SLC16A7: variants seen among roughly 807,000 people sequenced by gnomAD.
The protein encoded by SLC16A7 is solute carrier family 16 member 7, also known as monocarboxylate transporter 2.
Under a neutral mutation model 34.9 loss-of-function variants are expected in SLC16A7, and 33 were observed. The ratio of observed to expected loss-of-function variants is 0.94; its 90% CI spans 0.72 to 1.26. SLC16A7 has a LOEUF of 1.26. SLC16A7 is among the 50% of genes most tolerant of loss of function. The pLI is 0.00. For missense variants in SLC16A7, 573 were observed against 578.1 expected (o/e 0.99, Z 0.09); for synonymous variants, 201 against 206.6 (o/e 0.97, Z 0.23).
intron 3 of SLC16A7, among the ~76,000 whole-genome samples, chr12:59,707,895 T>C (rs914014548): frequency 6.6e-6 from 1 of 152,144 alleles, no homozygotes; most frequent in East Asian, 1.9e-4. Context: ...CCTTTGGTCC[T>C]TCTTTTAAAA....
At chr12:59,663,056 A>G (rs1271211124) in intron 2 of SLC16A7, among the ~76,000 whole-genome samples, 1 of 152,062 alleles carries the variant, frequency 6.6e-6, no homozygotes, top group Non-Finnish European at 1.5e-5. Context: ...AGGATTTTAT[A>G]TGGTAATGAC....
chr12:59,716,231 T>C (rs1285318445), intron 3 of SLC16A7, among the ~76,000 whole-genome samples: 2 of 152,156 alleles, frequency 1.3e-5, no homozygotes, highest in Non-Finnish European at 2.9e-5. Context: ...TCTCATGCAG[T>C]CAATGATTGG....
In SLC16A7 at chr12:59,785,994, A is replaced by G. The variant is rs1883589483; in HGVS notation, c.*6315A>G. ...GGTGGGAACTGAACAATGAGAACAC[A>G]TGGACACAGGAAGGGGAACATCACA... On this transcript the variant is annotated 3_prime_UTR_variant, in exon 6 of 6. Coordinates refer to ENST00000547379, the MANE Select transcript of SLC16A7 (RefSeq NM_001270623.2). 1 of 136,348 alleles carries G rather than the reference A, an allele frequency of 7.3e-6. No individual in the cohort carries two copies. The highest frequency in any genetic ancestry group is 1.5e-5 in the Non-Finnish European group (1 of 65,392). The allele number at this position is 136,348 out of a possible 1,614,324, so 8.4% of individuals were successfully genotyped here.
intron 3 of SLC16A7, among the ~76,000 whole-genome samples, chr12:59,711,921 T>C (rs1233872882): frequency 6.6e-6 from 1 of 152,206 alleles, no homozygotes; most frequent in Non-Finnish European, 1.5e-5. Flanking sequence ...CAGAAGAGCA[T>C]TATAGTTGGA....
At chr12:59,654,721 A>C (rs905077209) in intron 1 of SLC16A7, among the ~76,000 whole-genome samples, 2 of 151,800 alleles carry the variant, frequency 1.3e-5, no homozygotes, top group African/African-American at 4.8e-5. Context: ...TCACACTCAC[A>C]TATATTTTTG....
chr12:59,747,101 G>A (rs1296558021), intron 3 of SLC16A7, among the ~76,000 whole-genome samples: 1 of 152,162 alleles, frequency 6.6e-6, no homozygotes, highest in East Asian at 1.9e-4. Context: ...CAAAGAGCTG[G>A]AATTACAAGT....
intron 1 of SLC16A7, among the ~76,000 whole-genome samples, chr12:59,642,850 G>A (rs1473992656): frequency 6.6e-6 from 1 of 152,058 alleles, no homozygotes; most frequent in Non-Finnish European, 1.5e-5. Context: ...ATTGTACACA[G>A]AGTAAAGAAT....
intron 4 of SLC16A7, 32 bp downstream of exon 4, chr12:59,771,394 C>T: frequency 4.8e-6 from 7 of 1,466,646 alleles, no homozygotes; most frequent in Non-Finnish European, 6.4e-6. Flanking sequence ...TTATTCTTAA[C>T]TCTTCTGTTA....
intron 3 of SLC16A7, among the ~76,000 whole-genome samples, chr12:59,756,927 T>C (rs1164343034): frequency 3.2e-5 from 4 of 125,642 alleles, no homozygotes; most frequent in East Asian, 4.2e-4. Context: ...TATGCAGCCA[T>C]AAAAAATGAT....
At position 59,784,226 on chromosome 12, in the gene SLC16A7, C is replaced by T. The variant is rs1883457012; in HGVS notation, c.*4547C>T. Reference sequence around the variant, plus strand: ...ATGATTCAAAAAGTAAAATAATTACCTGGATGTGGTGATGTGCACCTGTAG... The same window carrying T: ...ATGATTCAAAAAGTAAAATAATTACTTGGATGTGGTGATGTGCACCTGTAG... On this transcript the variant is annotated 3_prime_UTR_variant, in exon 6 of 6. Coordinates refer to ENST00000547379, the MANE Select transcript of SLC16A7 (RefSeq NM_001270623.2). 2 of 151,736 alleles carry T rather than the reference C, an allele frequency of 1.3e-5. No individual in the cohort carries two copies. The highest frequency in any genetic ancestry group is 2.9e-5 in the Non-Finnish European group (2 of 67,950). The allele number at this position is 151,736 out of a possible 1,614,324, so 9.4% of individuals were successfully genotyped here.
At position 59,789,784 on chromosome 12, in the gene SLC16A7, A is replaced by G. The variant is rs1883865695; in HGVS notation, c.*10105A>G. The G allele has an allele frequency of 2.0e-5, 3 of 150,874 alleles. No individual in the cohort carries two copies. Among genetic ancestry groups the G allele is most frequent in the Non-Finnish European group, 3.0e-5 (2 of 67,320 alleles). 9.3% of individuals were successfully genotyped at this position (150,874 alleles called of 1,614,324 possible). On this transcript the variant is annotated 3_prime_UTR_variant, in exon 6 of 6. Coordinates refer to ENST00000547379, the MANE Select transcript of SLC16A7 (RefSeq NM_001270623.2). ...ATGCATATATATTTCTATAATATGT[A>G]AGAAAAAACCTGTATTGCTTATTAA... is the stretch of plus-strand genomic sequence containing the variant.
intron 2 of SLC16A7, among the ~76,000 whole-genome samples, chr12:59,699,649 G>T (rs1872669267): frequency 6.6e-6 from 1 of 151,640 alleles, no homozygotes; most frequent in Admixed American, 6.6e-5. Flanking sequence ...ATAGTTATGG[G>T]TTACATATAG....
At chr12:59,748,147 T>TGGAGAG (rs1038781832) in intron 3 of SLC16A7, among the ~76,000 whole-genome samples, 12 of 152,024 alleles carry the variant, frequency 7.9e-5, no homozygotes, top group African/African-American at 2.7e-4. Flanking sequence ...TTGGTAGAAG[T>TGGAGAG]GGAGAGGCGT....
intron 1 of SLC16A7, among the ~76,000 whole-genome samples, chr12:59,605,508 A>T (rs1204124356): frequency 6.6e-6 from 1 of 152,212 alleles, no homozygotes; most frequent in Non-Finnish European, 1.5e-5. Flanking sequence ...TACAGTGAAG[A>T]GGGATTTTGA....
At chr12:59,697,815 C>T (rs988865292) in intron 2 of SLC16A7, among the ~76,000 whole-genome samples, 4 of 151,650 alleles carry the variant, frequency 2.6e-5, no homozygotes, top group African/African-American at 9.7e-5. Context: ...CCTGAAACTT[C>T]ATACTTACAG....
At position 59,781,582 on chromosome 12, in the gene SLC16A7, A is replaced by G. The variant is rs376880404; in HGVS notation, c.*1903A>G. ...GTATTTTTCAAATGTTAAGTAAAACAAGATGTGCCAATATCATAGGTAAAT... is the reference window on the plus strand; with the variant it reads ...GTATTTTTCAAATGTTAAGTAAAACGAGATGTGCCAATATCATAGGTAAAT... On this transcript the variant is annotated 3_prime_UTR_variant, in exon 6 of 6. Transcript: ENST00000547379. The G allele has an allele frequency of 9.2e-5, 14 of 152,742 alleles. No individual in the cohort carries two copies. The South Asian group carries it at 1.4e-3, about 16-fold the overall frequency. 9.5% of individuals were successfully genotyped at this position (152,742 alleles called of 1,614,324 possible).
At chr12:59,693,659 CA>C (rs1871931328) in intron 2 of SLC16A7, among the ~76,000 whole-genome samples, 1 of 151,828 alleles carries the variant, frequency 6.6e-6, no homozygotes, top group Admixed American at 6.6e-5. Flanking sequence ...TGATGAATTT[CA>C]AAAGACTTTG....
intron 3 of SLC16A7, among the ~76,000 whole-genome samples, chr12:59,712,025 C>T (rs1874280740): frequency 6.6e-6 from 1 of 152,190 alleles, no homozygotes; most frequent in African/African-American, 2.4e-5. Context: ...GACACAGTTT[C>T]CTTATCTGTA....
intron 3 of SLC16A7, among the ~76,000 whole-genome samples, chr12:59,769,755 T>A (rs183273224): frequency 9.9e-4 from 151 of 152,206 alleles, no homozygotes; most frequent in African/African-American, 3.5e-3. Context: ...TTATATATGA[T>A]CCATGTAAAA....
Sources: allele counts gnomAD v4.1 joint callset (sites outside exome capture counted in the v4.1 genomes callset), GRCh38; gene constraint gnomAD v4.1.1; transcripts MANE v1.5; gene names NCBI Gene and HGNC (gene_info 2026-07-23, HGNC 2026-07-21).